TMEM8B: variants seen among roughly 807,000 people sequenced by gnomAD.
TMEM8B encodes the protein transmembrane protein 8B, also known as nasopharyngeal carcinoma expressed 6.
In TMEM8B, 29 loss-of-function variants were observed where a neutral mutation model predicts 49.3. The ratio of observed to expected loss-of-function variants is 0.59; its 90% confidence interval spans 0.44 to 0.80. The LOEUF (loss-of-function observed/expected upper bound fraction) is 0.80. TMEM8B is among the 30% of genes least tolerant of loss of function. The pLI, the probability that TMEM8B is intolerant of heterozygous loss-of-function variation, is 0.00. For synonymous variants in TMEM8B, 264 were observed against 272.8 expected (o/e 0.97, Z 0.32); for missense variants, 575 against 658.5 (o/e 0.87, Z 1.39).
rs1832623894 is a variant in TMEM8B at position 35,860,053 on chromosome 9, T to A, written c.*6213T>A. 6.6e-6 allele frequency: 1 copy of A among 152,274 alleles called. No homozygotes were observed. 9.4% of individuals were successfully genotyped at this position (152,274 alleles called of 1,614,324 possible). A position where few individuals can be genotyped will look rare whatever the true frequency, so the allele number is the denominator to read the frequency against. On this transcript the variant is annotated 3_prime_UTR_variant, in exon 13 of 13. Coordinates refer to ENST00000643932, the MANE Select transcript of TMEM8B (RefSeq NM_001042590.4). ...AGCTCCAACTGGCCTGGGAGCCCAG[T>A]GACCTGATGTCTGAGCTGCAGCAGG... is the stretch of plus-strand genomic sequence containing the variant.
At chr9:35,839,759 G>A (rs1488759340) in intron 3 of TMEM8B, among the ~76,000 whole-genome samples, 1 of 152,168 alleles carries the variant, frequency 6.6e-6, no homozygotes, top group Admixed American at 6.5e-5. Flanking sequence ...AGTGACTTAT[G>A]AGAGTCTTTT....
At position 35,865,421 on chromosome 9, in the gene TMEM8B, C is replaced by T. The variant is rs1487160207; in HGVS notation, c.*11581C>T. The T allele has an allele frequency of 6.6e-6, 1 of 152,144 alleles. No homozygotes were observed. The highest frequency in any genetic ancestry group is 1.5e-5 in the Non-Finnish European group (1 of 68,036). The allele number at this position is 152,144 out of a possible 1,614,324, so 9.4% of individuals were successfully genotyped here. A position where few individuals can be genotyped will look rare whatever the true frequency, so the allele number is the denominator to read the frequency against. ...TGTTCCCTCCCCTCCCCTTCCTGTC[C>T]TTTCACAATAAAGAATAACAACTTG... On this transcript the variant is annotated 3_prime_UTR_variant, in exon 13 of 13. Transcript: ENST00000643932.
chr9:35,849,366 C>T (rs1159738425), intron 10 of TMEM8B, among the ~76,000 whole-genome samples: 1 of 152,110 alleles, frequency 6.6e-6, no homozygotes, highest in Non-Finnish European at 1.5e-5. Context: ...CAAAAACAGG[C>T]CACAAACTTA....
At chr9:35,836,884 T>A (rs922134682) in intron 3 of TMEM8B, among the ~76,000 whole-genome samples, 10 of 152,152 alleles carry the variant, frequency 6.6e-5, no homozygotes, top group Non-Finnish European at 1.3e-4. Flanking sequence ...AGAGATGTAG[T>A]GCTTCCATCA....
intron 3 of TMEM8B, among the ~76,000 whole-genome samples, chr9:35,838,537 T>C (rs1830661914): frequency 6.6e-6 from 1 of 152,098 alleles, no homozygotes; most frequent in Non-Finnish European, 1.5e-5. Context: ...ATACCATCTA[T>C]ATGTTAATGC....
chr9:35,841,105 C>A lies in TMEM8B; in HGVS notation c.907-29C>A. On this transcript the variant is annotated intron_variant, in intron 3 of 12. Coordinates refer to ENST00000643932, the MANE Select transcript of TMEM8B (RefSeq NM_001042590.4). The surrounding 1 kb of genome is among the most constrained non-coding windows in gnomAD (Gnocchi z 5.9). ...TTAGTCACACCCCTGCTGTCTCTCC[C>A]TCTCCTGCCACCCCTGCTTTTGTCC... is the stretch of plus-strand genomic sequence containing the variant. 1 of 415,604 alleles carries A rather than the reference C, an allele frequency of 2.4e-6. No homozygotes were observed. The highest frequency in any genetic ancestry group is 4.4e-6 in the Non-Finnish European group (1 of 226,378). The allele number at this position is 415,604 out of a possible 1,614,324, so 25.7% of individuals were successfully genotyped here.
intron 10 of TMEM8B, 157 bp downstream of exon 10, chr9:35,847,152 A>G (rs1356859001): frequency 6.2e-7 from 1 of 1,611,466 alleles, no homozygotes; most frequent in East Asian, 2.2e-5. Flanking sequence ...ACTGTCATGC[A>G]TAGATAATGG....
At position 35,842,288 on chromosome 9, in the gene TMEM8B, C is replaced by A; in HGVS notation, c.1310-104C>A. The A allele has an allele frequency of 1.2e-6, 1 of 866,260 alleles. No individual in the cohort carries two copies. The highest frequency in any genetic ancestry group is 1.7e-6 in the Non-Finnish European group (1 of 591,424). 53.7% of individuals were successfully genotyped at this position (866,260 alleles called of 1,614,324 possible). A position where few individuals can be genotyped will look rare whatever the true frequency, so the allele number is the denominator to read the frequency against. The stretch of plus-strand genomic sequence containing the variant: ...GGGACATCGCATTCTAGTTCTCATC[C>A]TTCCCCACTCTTTGCGAAATCCTGT... On this transcript the variant is annotated intron_variant, in intron 5 of 12. Transcript: ENST00000643932. The surrounding 1 kb of genome is among the most constrained non-coding windows in gnomAD (Gnocchi z 5.6).
intron 1 of TMEM8B, among the ~76,000 whole-genome samples, chr9:35,833,137 C>T (rs557389822): frequency 3.9e-5 from 6 of 152,226 alleles, no homozygotes; most frequent in African/African-American, 1.4e-4. Context: ...CAGCAGCCTC[C>T]CCTTCCCTTT....
chr9:35,850,146 T>C (rs1832001722), intron 10 of TMEM8B, among the ~76,000 whole-genome samples: 1 of 152,202 alleles, frequency 6.6e-6, no homozygotes, highest in Admixed American at 6.5e-5. Context: ...TATTCCAATC[T>C]GGGCATGGAT....
Position 35,846,578 on chromosome 9 carries a change from A to G in TMEM8B, c.1963A>G (p.Asn655Asp), listed in dbSNP as rs1051664085. 2.5e-6 allele frequency: 4 copies of G among 1,572,424 alleles called. No homozygotes were observed. The African/African-American group carries it at 5.4e-5, about 21-fold the overall frequency. ...CCAGTGCAAGCTGCTGCGCACACAC[A>G]ATTATCTGTACGCAGCCTGCGAGTG... Reference protein sequence around the residue: ...YGQCKLLRTHNYLYAACECKA... With the variant: ...YGQCKLLRTHDYLYAACECKA... Residue 655 changes from asparagine to aspartate, a missense_variant, in exon 9 of 13, where the codon AAT becomes GAT. Physicochemically the swap from Asn to Asp is conservative, Grantham distance 23 (BLOSUM62 1). Coordinates refer to ENST00000643932, the MANE Select transcript of TMEM8B (RefSeq NM_001042590.4).
At chr9:35,845,924 G>A in intron 6 of TMEM8B, 51 bp from the exon 7 acceptor site, 1 of 1,609,780 alleles carries the variant, frequency 6.2e-7, no homozygotes, top group Non-Finnish European at 8.5e-7. Flanking sequence ...GGGTGGCGGT[G>A]GGTGGAGATG....
chr9:35,861,830 C>T lies in TMEM8B; in HGVS notation c.*7990C>T, dbSNP rs1160712457. The T allele has an allele frequency of 6.6e-6, 1 of 152,230 alleles. No individual in the cohort carries two copies. The highest frequency in any genetic ancestry group is 1.5e-5 in the Non-Finnish European group (1 of 68,066). 9.4% of individuals were successfully genotyped at this position (152,230 alleles called of 1,614,324 possible). A position where few individuals can be genotyped will look rare whatever the true frequency, so the allele number is the denominator to read the frequency against. On this transcript the variant is annotated 3_prime_UTR_variant, in exon 13 of 13. Transcript: ENST00000643932. ...TGCCTCCTCTATCTACAGGTTCCTG[C>T]TCCATCTATACTAGCCACCTCCTGG...
chr9:35,853,278 G>C lies in TMEM8B; in HGVS notation c.2439+21G>C. The C allele has an allele frequency of 1.9e-6, 3 of 1,590,078 alleles. No homozygotes were observed. The highest frequency in any genetic ancestry group is 2.6e-6 in the Non-Finnish European group (3 of 1,158,792). ...CCTGGGTAAGGGTGGGGAGGGATGT[G>C]GGGGGAGGGTCCCAGCAGGACTTGG... On this transcript the variant is annotated intron_variant, in intron 12 of 12. Coordinates refer to ENST00000643932, the MANE Select transcript of TMEM8B (RefSeq NM_001042590.4). This position sits in a 1 kb window ranked among gnomAD's most constrained non-coding sequence, Gnocchi z 4.2.
Position 35,846,309 on chromosome 9 carries a change from G to T in TMEM8B, c.1781G>T (p.Arg594Met), listed in dbSNP as rs758926341. ...GTCAGTGCCACCACCAGGGTTGCCA[G>T]GCTGCGAATCCCATTCCCGCAGACG... Reference protein sequence around the residue: ...LSVSATTRVARLRIPFPQTGT... With the variant: ...LSVSATTRVAMLRIPFPQTGT... The change falls in exon 8 of 13, where the codon AGG (arginine) becomes ATG (methionine). Residue 594 changes from arginine to methionine, a missense_variant. Transcript: ENST00000643932. 6.2e-7 allele frequency: 1 copy of T among 1,614,214 alleles called. No individual in the cohort carries two copies. The highest frequency in any genetic ancestry group is 8.5e-7 in the Non-Finnish European group (1 of 1,180,052).
Position 35,847,045 on chromosome 9 carries a change from G to A in TMEM8B, c.2175+50G>A, listed in dbSNP as rs771796765. The A allele has an allele frequency of 5.0e-6, 8 of 1,614,078 alleles. No homozygotes were observed. In the Admixed American group the frequency reaches 1.3e-4, roughly 27 times the overall value. On this transcript the variant is annotated intron_variant, in intron 10 of 12. Transcript: ENST00000643932. ...TCACTGGGTGCTTGTGCATGGTGGT[G>A]GGTCACAGTCTGTATTTCCACCACG...
At chr9:35,844,327 C>T (rs187588054) in intron 6 of TMEM8B, among the ~76,000 whole-genome samples, 114 of 152,348 alleles carry the variant, frequency 7.5e-4, no homozygotes, top group Admixed American at 3.3e-3. Context: ...TTACTGTCAG[C>T]GTTAAGACTG....
intron 10 of TMEM8B, among the ~76,000 whole-genome samples, chr9:35,851,610 C>T (rs953507409): frequency 1.3e-5 from 2 of 152,194 alleles, no homozygotes; most frequent in Non-Finnish European, 2.9e-5. Context: ...CATGTTCATC[C>T]TTAGGCAGTC....
At chr9:35,846,090 G>C (rs754279956) in intron 7 of TMEM8B, 22 bp downstream of exon 7, 1 of 1,613,466 alleles carries the variant, frequency 6.2e-7, no homozygotes, top group African/African-American at 1.3e-5. Context: ...AATGGGGGAG[G>C]AGAGGAAGCT....
Sources: allele counts gnomAD v4.1 joint callset (sites outside exome capture counted in the v4.1 genomes callset), GRCh38; gene constraint gnomAD v4.1.1; non-coding constraint Gnocchi (gnomAD v3.1); transcripts MANE v1.5; gene names NCBI Gene and HGNC (gene_info 2026-07-23, HGNC 2026-07-21).